DNAJC13: variants seen among roughly 807,000 people sequenced by gnomAD.
DNAJC13 encodes the protein DnaJ heat shock protein family (Hsp40) member C13.
A neutral mutation model predicts 290.5 loss-of-function variants in DNAJC13; 75 were observed. The observed-to-expected ratio is 0.26, with a 90% CI of 0.21 to 0.31. The LOEUF is 0.31. Among genes scored for constraint, DNAJC13 ranks in the 10% least tolerant of loss-of-function variants. The pLI, the probability that DNAJC13 is intolerant of heterozygous loss-of-function variation, is 1.00. For missense variants in DNAJC13, 2,260 were observed against 2,674.5 expected, an observed-to-expected ratio of 0.85 and a Z score of 3.42; for synonymous variants, 862 against 892.0, an observed-to-expected ratio of 0.97 and a Z score of 0.60.
intron 54 of DNAJC13, among the ~76,000 whole-genome samples, chr3:132,528,772 T>A (rs552632456): frequency 8.5e-5 from 13 of 152,316 alleles, no homozygotes; most frequent in Non-Finnish European, 1.8e-4. Context: ...GTTGGTTTTT[T>A]TTTTTCTTTG....
intron 13 of DNAJC13, among the ~76,000 whole-genome samples, chr3:132,459,099 A>G (rs968730018): frequency 1.3e-5 from 2 of 152,176 alleles, no homozygotes; most frequent in African/African-American, 2.4e-5. Flanking sequence ...AGAAGTTATT[A>G]CTGTTATATC....
chr3:132,532,513 A>G (rs1445742878), intron 55 of DNAJC13, among the ~76,000 whole-genome samples: 3 of 152,164 alleles, frequency 2.0e-5, no homozygotes, highest in Non-Finnish European at 2.9e-5. Flanking sequence ...CCTCATATCT[A>G]TGGAGAAAAA....
chr3:132,488,540 G>T, intron 30 of DNAJC13, 88 bp downstream of exon 30: 5 of 1,275,542 alleles, frequency 3.9e-6, no homozygotes, highest in Non-Finnish European at 5.3e-6. Flanking sequence ...GTACCTTATT[G>T]CTTTTATTAA....
chr3:132,528,451 G>A, intron 54 of DNAJC13, 119 bp downstream of exon 54: 1 of 1,252,050 alleles, frequency 8.0e-7, no homozygotes. Flanking sequence ...TGTAACTGGA[G>A]AAGATCCAGA....
intron 53 of DNAJC13, 33 bp from the exon 54 acceptor site, chr3:132,528,156 T>G (rs755852415): frequency 2.5e-6 from 4 of 1,605,032 alleles, no homozygotes; most frequent in Non-Finnish European, 3.4e-6. Context: ...GCATTTTTTC[T>G]GTGTGTTTAT....
At chr3:132,432,884 A>G (rs1471195893) in intron 1 of DNAJC13, among the ~76,000 whole-genome samples, 3 of 152,252 alleles carry the variant, frequency 2.0e-5, no homozygotes, top group Non-Finnish European at 4.4e-5. Flanking sequence ...TCAAACCGCC[A>G]TAGAAGTTTC....
At chr3:132,447,826 A>C in intron 4 of DNAJC13, 72 bp from the exon 5 acceptor site, 1 of 1,201,410 alleles carries the variant, frequency 8.3e-7, no homozygotes, top group Non-Finnish European at 1.2e-6. Context: ...ACTTGCTTTG[A>C]GTAGAAGGGA....
intron 2 of DNAJC13, among the ~76,000 whole-genome samples, chr3:132,438,901 A>G (rs1932954723): frequency 6.6e-6 from 1 of 152,124 alleles, no homozygotes; most frequent in Admixed American, 6.5e-5. Flanking sequence ...TTCAGGGGGG[A>G]AAAGGCACTT....
At position 132,483,434 on chromosome 3, in the gene DNAJC13, C is replaced by G; in HGVS notation, c.3039C>G (p.Gly1013=). 6.2e-7 allele frequency: 1 copy of G among 1,614,132 alleles called. No individual in the cohort carries two copies. Among genetic ancestry groups the G allele is most frequent in the Non-Finnish European group, 8.5e-7 (1 of 1,180,018 alleles). ...CAAAAACCAGATGCTGGGCTCAAGGCATGGATGGATGGCGACCACTTCAGT... is the reference window on the plus strand; with the variant it reads ...CAAAAACCAGATGCTGGGCTCAAGGGATGGATGGATGGCGACCACTTCAGT... ...LNAKTRCWAQ[G]MDGWRPLQSI... Residue 1013 remains glycine, a synonymous_variant, in exon 28 of 56, where the codon GGC becomes GGG. Coordinates refer to ENST00000260818, the MANE Select transcript of DNAJC13 (RefSeq NM_015268.4).
At position 132,460,262 on chromosome 3, in the gene DNAJC13, G is replaced by T; in HGVS notation, c.1462G>T (p.Asp488Tyr). 6.2e-7 allele frequency: 1 copy of T among 1,602,322 alleles called. No homozygotes were observed. Among genetic ancestry groups the T allele is most frequent in the Non-Finnish European group, 8.5e-7 (1 of 1,172,138 alleles). ...TTTTCATCAATAGCCCATGCATGATGACTATGACTTAAGACAAGAACAGTT... is the reference window on the plus strand; with the variant it reads ...TTTTCATCAATAGCCCATGCATGATTACTATGACTTAAGACAAGAACAGTT... ...LCALMCPMHDDYDLRQEQLNK... is the reference protein window; with the variant it reads ...LCALMCPMHDYYDLRQEQLNK... The change falls in exon 14 of 56, where the codon GAC (aspartate) becomes TAC (tyrosine). Residue 488 changes from aspartate to tyrosine, a missense_variant. Coordinates refer to ENST00000260818, the MANE Select transcript of DNAJC13 (RefSeq NM_015268.4).
chr3:132,471,744 C>T lies in DNAJC13; in HGVS notation c.2209-1401C>T, dbSNP rs1203200853. Among the ~76,000 whole-genome samples the T allele has an allele frequency of 9.7e-4, 125 of 128,824 alleles. 1 individual carries two copies. Among genetic ancestry groups the T allele is most frequent in the African/African-American group, 3.2e-3 (116 of 35,786 alleles). 84.5% of individuals were successfully genotyped at this position (128,824 alleles called of 152,430 possible). A position where few individuals can be genotyped will look rare whatever the true frequency, so the allele number is the denominator to read the frequency against. ...AGATGGGATGGCGGCCGGGCGGAGA[C>T]GCTCCTCACTTTCCAGACTGGGCAG... On this transcript the variant is annotated intron_variant, in intron 20 of 55. Transcript: ENST00000260818.
rs1381286836 is a variant in DNAJC13 at position 132,427,098 on chromosome 3, TGTGTGC to T, written c.-13-7439_-13-7434del. ...ATATGTGTGTGTGTGTGTGTGTGTG[TGTGTGC>T]ACGTGTGTGTGTGTGTATATATATA... On this transcript the variant is annotated intron_variant, in intron 1 of 55. Coordinates refer to ENST00000260818, the MANE Select transcript of DNAJC13 (RefSeq NM_015268.4). Among the ~76,000 whole-genome samples, 5 of 141,102 alleles carry T rather than the reference TGTGTGC, an allele frequency of 3.5e-5. No individual in the cohort carries two copies. In the East Asian group the frequency reaches 6.1e-4, roughly 17 times the overall value. 92.6% of individuals were successfully genotyped at this position (141,102 alleles called of 152,430 possible).
At chr3:132,438,722 A>G (rs1398863651) in intron 2 of DNAJC13, among the ~76,000 whole-genome samples, 1 of 152,200 alleles carries the variant, frequency 6.6e-6, no homozygotes, top group Non-Finnish European at 1.5e-5. Flanking sequence ...AGTTTTCATT[A>G]TTACCTCACT....
At chr3:132,525,567 A>G (rs2107747681) in intron 51 of DNAJC13, 43 bp from the exon 52 acceptor site, 1 of 1,594,054 alleles carries the variant, frequency 6.3e-7, no homozygotes, top group South Asian at 1.1e-5. Flanking sequence ...TTAGGGCTGT[A>G]TGAGTATTTT....
chr3:132,529,936 C>T (rs909707455), intron 54 of DNAJC13, among the ~76,000 whole-genome samples: 3 of 152,186 alleles, frequency 2.0e-5, no homozygotes, highest in African/African-American at 7.2e-5. Flanking sequence ...AAATGCCAAG[C>T]AAAGGCTCTC....
intron 54 of DNAJC13, 24 bp downstream of exon 54, chr3:132,528,356 T>C (rs753633556): frequency 3.7e-5 from 59 of 1,611,906 alleles, no homozygotes; most frequent in Non-Finnish European, 4.9e-5. Flanking sequence ...GAGTCAACTT[T>C]TGATATTCTA....
chr3:132,519,977 A>G (rs946609946), intron 48 of DNAJC13, among the ~76,000 whole-genome samples: 1 of 152,160 alleles, frequency 6.6e-6, no homozygotes, highest in African/African-American at 2.4e-5. Context: ...CTGTGCAGGG[A>G]AATCTCCCTT....
At chr3:132,502,803 C>T (rs1415783925) in intron 40 of DNAJC13, among the ~76,000 whole-genome samples, 1 of 152,060 alleles carries the variant, frequency 6.6e-6, no homozygotes, top group African/African-American at 2.4e-5. Flanking sequence ...GAGGCTAGCT[C>T]CCCTAAACAC....
chr3:132,510,924 C>T (rs916714125), intron 43 of DNAJC13, 143 bp from the exon 44 acceptor site: 23 of 841,976 alleles, frequency 2.7e-5, no homozygotes, highest in Non-Finnish European at 4.3e-5. Flanking sequence ...CTCTACATCC[C>T]CCCTATAGTG....
Sources: gnomAD v4.1 joint callset for allele counts (sites outside exome capture counted in the v4.1 genomes callset) on GRCh38, gnomAD v4.1.1 for gene constraint, MANE v1.5 for transcripts, NCBI Gene and HGNC (gene_info 2026-07-23, HGNC 2026-07-21) for gene names.